The following LINGO2 variants were observed in gnomAD, a reference collection of about 807,000 sequenced individuals.
The protein encoded by LINGO2 is leucine rich repeat and Ig domain containing 2.
LINGO2 carries 14 observed loss-of-function variants against 30.6 expected under a neutral mutation model. The observed-to-expected ratio is 0.46, with a 90% confidence interval of 0.30 to 0.72. The LOEUF (loss-of-function observed/expected upper bound fraction) is 0.72. Ranked by LOEUF, LINGO2 falls within the 30% of genes least tolerant of loss-of-function variation. LINGO2 has a pLI of 0.07. For missense variants in LINGO2, 729 were observed against 751.7 expected (o/e 0.97, Z 0.35); for synonymous variants, 317 against 288.5 (o/e 1.10, Z -1.00).
the LINGO2 span, among the ~76,000 whole-genome samples, chr9:29,144,791 G>C: frequency 1.3e-5 from 2 of 151,800 alleles, no homozygotes; most frequent in African/African-American, 4.8e-5. Flanking sequence ...TTAGTCATCA[G>C]GAATTACTCT....
chr9:29,212,561 T>A, the LINGO2 span, among the ~76,000 whole-genome samples: 3 of 152,042 alleles, frequency 2.0e-5, no homozygotes, highest in African/African-American at 7.2e-5. Context: ...CACAGCTCTC[T>A]ATGGCAATTG....
the LINGO2 span, among the ~76,000 whole-genome samples, chr9:28,849,349 T>G: frequency 2.0e-5 from 3 of 152,028 alleles, no homozygotes; most frequent in African/African-American, 7.2e-5. Flanking sequence ...CTTGCAGTTC[T>G]GTATGTGCAA....
In LINGO2 at chr9:28,642,124, A is replaced by G. The variant is rs190882677; in HGVS notation, c.-365+28076T>C. ...ATATAAATGTTTTATAAAAATTAACATACACTTTTACTCAGATATGTGAAC... is the reference window on the plus strand; with the variant it reads ...ATATAAATGTTTTATAAAAATTAACGTACACTTTTACTCAGATATGTGAAC... On this transcript the variant is annotated intron_variant, in intron 1 of 5. Transcript: ENST00000379992. 4.0e-3 allele frequency among the ~76,000 whole-genome samples: 605 copies of G among 152,052 alleles called. 9 individuals carry two copies. Among genetic ancestry groups the G allele is most frequent in the African/African-American group, 0.013 (558 of 41,478 alleles).
chr9:29,165,830 A>T, the LINGO2 span, among the ~76,000 whole-genome samples: 1 of 152,116 alleles, frequency 6.6e-6, no homozygotes, highest in Admixed American at 6.6e-5. Context: ...ATGTAATGGG[A>T]GATGTCCTTT....
the LINGO2 span, among the ~76,000 whole-genome samples, chr9:29,085,462 T>A: frequency 6.6e-6 from 1 of 151,892 alleles, no homozygotes; most frequent in South Asian, 2.1e-4. Flanking sequence ...TTCAGAATAA[T>A]CCTATGAAAT....
chr9:28,775,391 G>C, the LINGO2 span, among the ~76,000 whole-genome samples: 1 of 152,192 alleles, frequency 6.6e-6, no homozygotes, highest in Non-Finnish European at 1.5e-5. Flanking sequence ...CCCAAAGATA[G>C]TGGAAACTAT....
At chr9:28,576,007 C>T (rs1348942271) in intron 1 of LINGO2, among the ~76,000 whole-genome samples, 1 of 152,010 alleles carries the variant, frequency 6.6e-6, no homozygotes, top group Non-Finnish European at 1.5e-5. Flanking sequence ...CCTCTACTTA[C>T]AATGGGGTTA....
At chr9:28,474,286 G>T (rs750297912) in intron 2 of LINGO2, among the ~76,000 whole-genome samples, 3 of 152,192 alleles carry the variant, frequency 2.0e-5, no homozygotes, top group East Asian at 1.9e-4. Context: ...AGGAGGCCAG[G>T]ATCCACCTTT....
intron 5 of LINGO2, among the ~76,000 whole-genome samples, chr9:27,981,698 T>C (rs915608859): frequency 1.3e-5 from 2 of 151,560 alleles, no homozygotes; most frequent in East Asian, 3.9e-4. Flanking sequence ...CCATCTAGAT[T>C]AGTGAAGGTC....
intron 2 of LINGO2, among the ~76,000 whole-genome samples, chr9:28,433,036 A>G (rs1318729020): frequency 6.6e-6 from 1 of 151,638 alleles, no homozygotes; most frequent in Admixed American, 6.6e-5. Context: ...TTGAAAAAAC[A>G]TAGATTCAGA....
chr9:27,990,370 C>A (rs973873750), intron 5 of LINGO2, among the ~76,000 whole-genome samples: 2 of 151,730 alleles, frequency 1.3e-5, no homozygotes, highest in African/African-American at 4.8e-5. Flanking sequence ...AGGATAGACA[C>A]AATGGCTTAT....
intron 4 of LINGO2, among the ~76,000 whole-genome samples, chr9:28,189,313 A>AAGGAAGGAAGGG (rs1819675627): frequency 1.3e-4 from 2 of 15,764 alleles, no homozygotes; most frequent in African/African-American, 2.0e-4. Flanking sequence ...GGGAGGAAGG[A>AAGGAAGGAAGGG]AGGAAGGAAG....
chr9:28,450,026 A>G (rs1824587889), intron 2 of LINGO2, among the ~76,000 whole-genome samples: 1 of 151,974 alleles, frequency 6.6e-6, no homozygotes, highest in Admixed American at 6.6e-5. Context: ...ATCACACCAT[A>G]ACTTAGACTC....
chr9:28,293,669 G>A (rs966259137), intron 4 of LINGO2, among the ~76,000 whole-genome samples: 8 of 152,130 alleles, frequency 5.3e-5, no homozygotes, highest in Admixed American at 3.9e-4. Flanking sequence ...AGTACTAAGA[G>A]AGGAATGTTA....
At chr9:29,007,160 G>A in the LINGO2 span, among the ~76,000 whole-genome samples, 1 of 152,052 alleles carries the variant, frequency 6.6e-6, no homozygotes. Flanking sequence ...TGGTAGAGAA[G>A]TTTTTAAAGA....
intron 5 of LINGO2, among the ~76,000 whole-genome samples, chr9:27,990,328 T>TTATGAACAGATAATAAGA (rs1446191639): frequency 2.0e-5 from 3 of 152,150 alleles, no homozygotes; most frequent in African/African-American, 7.2e-5. Context: ...GATTTCTGTA[T>TTATGAACAGATAATAAGA]ATATTATCAT....
intron 3 of LINGO2, among the ~76,000 whole-genome samples, chr9:28,362,234 A>ATGTGTGTGCG (rs1820478713): frequency 6.7e-6 from 1 of 150,120 alleles, no homozygotes; most frequent in Non-Finnish European, 1.5e-5. Flanking sequence ...GTGTGTGCGC[A>ATGTGTGTGCG]TGCGCATGTG....
chr9:29,113,572 T>A, the LINGO2 span, among the ~76,000 whole-genome samples: 1 of 152,150 alleles, frequency 6.6e-6, no homozygotes, highest in Non-Finnish European at 1.5e-5. Flanking sequence ...GCTTACCCAA[T>A]TCTGACTAAA....
the LINGO2 span, among the ~76,000 whole-genome samples, chr9:28,974,102 G>A: frequency 6.6e-6 from 1 of 152,060 alleles, no homozygotes; most frequent in Non-Finnish European, 1.5e-5. Context: ...TCAAGATATA[G>A]GCAGTACAAC....
Sources: gnomAD v4.1 joint callset for allele counts (sites outside exome capture counted in the v4.1 genomes callset) on GRCh38, gnomAD v4.1.1 for gene constraint, MANE v1.5 for transcripts, NCBI Gene and HGNC (gene_info 2026-07-23, HGNC 2026-07-21) for gene names.